Variants in PPP2R2B observed in about 807,000 individuals in gnomAD.
PPP2R2B encodes the protein protein phosphatase 2 regulatory subunit Bbeta, also known as serine/threonine-protein phosphatase 2A 55 kDa regulatory subunit B beta isoform.
Under a neutral mutation model 46.0 loss-of-function variants are expected in PPP2R2B, and 5 were observed. That is an observed-to-expected ratio of 0.11 (90% CI 0.06 to 0.23). The LOEUF (loss-of-function observed/expected upper bound fraction) is 0.23. PPP2R2B is among the 10% of genes least tolerant of loss of function. PPP2R2B has a pLI of 1.00. For missense variants in PPP2R2B, 367 were observed against 575.0 expected (o/e 0.64, Z 3.70); for synonymous variants, 215 against 206.7 (o/e 1.04, Z -0.34).
chr5:146,821,830 T>C (rs990235548), intron 2 of PPP2R2B, among the ~76,000 whole-genome samples: 4 of 151,740 alleles, frequency 2.6e-5, no homozygotes, highest in African/African-American at 9.7e-5. Context: ...GCTGGTTCAG[T>C]GTCATAAAAA....
rs1756425506 is a variant in PPP2R2B at position 146,794,866 on chromosome 5, T to G, written c.70+83136A>C. 1.3e-5 allele frequency among the ~76,000 whole-genome samples: 2 copies of G among 152,168 alleles called. 1 individual carries two copies. Among genetic ancestry groups the G allele is most frequent in the South Asian group, 4.1e-4 (2 of 4,820 alleles). On this transcript the variant is annotated intron_variant, in intron 2 of 9. Transcript: ENST00000394411. ...TTTCCAGAACCACTGACTCATCCAA[T>G]TTATTGGTTCCACTGGGAGGCAATC...
At chr5:146,664,700 C>A (rs925698600) in intron 5 of PPP2R2B, among the ~76,000 whole-genome samples, 1 of 152,066 alleles carries the variant, frequency 6.6e-6, no homozygotes, top group Non-Finnish European at 1.5e-5. Context: ...ATGGTGAGTG[C>A]GTCCCAGAAG....
intron 2 of PPP2R2B, among the ~76,000 whole-genome samples, chr5:146,797,325 C>T (rs1044699086): frequency 5.9e-5 from 9 of 152,164 alleles, no homozygotes; most frequent in Non-Finnish European, 1.3e-4. Flanking sequence ...CCACAAGCTA[C>T]CCTGCTAAAC....
intron 2 of PPP2R2B, among the ~76,000 whole-genome samples, chr5:146,868,649 C>T (rs1192772905): frequency 7.1e-6 from 1 of 141,164 alleles, no homozygotes; most frequent in Non-Finnish European, 1.6e-5. Context: ...CACATAACTG[C>T]TTACGATACT....
intron 2 of PPP2R2B, among the ~76,000 whole-genome samples, chr5:146,748,877 A>T (rs749367710): frequency 6.6e-6 from 1 of 152,212 alleles, no homozygotes; most frequent in African/African-American, 2.4e-5. Flanking sequence ...TTGTGTGCAC[A>T]TACATTTTTT....
chr5:146,862,872 A>C (rs529082122), intron 2 of PPP2R2B, among the ~76,000 whole-genome samples: 3 of 150,672 alleles, frequency 2.0e-5, no homozygotes, highest in East Asian at 1.9e-4. Flanking sequence ...AAAAAAAAAA[A>C]AAAAACCCTG....
At chr5:146,890,973 G>C (rs781327855) in intron 1 of PPP2R2B, among the ~76,000 whole-genome samples, 2 of 152,224 alleles carry the variant, frequency 1.3e-5, no homozygotes, top group South Asian at 4.2e-4. Context: ...AAGAGAGAGA[G>C]AGAAAAAAAT....
intron 7 of PPP2R2B, chr5:146,606,819 C>A (rs1339088562): frequency 2.6e-5 from 4 of 152,210 alleles, no homozygotes; most frequent in Non-Finnish European, 4.4e-5. Flanking sequence ...GTCACCCCCA[C>A]CCTGGCTGTG....
At chr5:146,894,891 G>A (rs944425730) in intron 1 of PPP2R2B, among the ~76,000 whole-genome samples, 4 of 152,246 alleles carry the variant, frequency 2.6e-5, no homozygotes, top group East Asian at 1.9e-4. Flanking sequence ...TTTCTCTCCT[G>A]TAAGCTCTTT....
chr5:147,057,300 G>C (rs750844256), upstream of PPP2R2B, among the ~76,000 whole-genome samples: 1 of 152,208 alleles, frequency 6.6e-6, no homozygotes, highest in Non-Finnish European at 1.5e-5. Flanking sequence ...ACTTGGCAAG[G>C]TAGGGCCATC....
At chr5:146,633,507 T>C (rs1774581829) in intron 7 of PPP2R2B, among the ~76,000 whole-genome samples, 1 of 152,270 alleles carries the variant, frequency 6.6e-6, no homozygotes, top group Non-Finnish European at 1.5e-5. Flanking sequence ...CCGCAGCAGC[T>C]GAACAAAGGG....
At position 146,637,811 on chromosome 5, in the gene PPP2R2B, T is replaced by A. The variant is rs192624563; in HGVS notation, c.790+440A>T. On this transcript the variant is annotated intron_variant, in intron 7 of 9. Coordinates refer to ENST00000394411, the MANE Select transcript of PPP2R2B (RefSeq NM_181675.4). ...TCCTGTTAATTTTATTGCCAAGATC[T>A]GTGCAGTACTGTGCAGGTTACATGG... 4.4e-3 allele frequency among the ~76,000 whole-genome samples: 677 copies of A among 152,242 alleles called. 9 individuals carry two copies. The highest frequency in any genetic ancestry group is 0.015 in the African/African-American group (616 of 41,530).
At chr5:147,020,207 C>T (rs975556960) in intron 1 of PPP2R2B, among the ~76,000 whole-genome samples, 3 of 152,090 alleles carry the variant, frequency 2.0e-5, no homozygotes, top group African/African-American at 7.2e-5. Context: ...TCAATTCCCT[C>T]TTGGTATTTG....
At chr5:146,617,237 A>T (rs758795400) in intron 7 of PPP2R2B, among the ~76,000 whole-genome samples, 1 of 152,166 alleles carries the variant, frequency 6.6e-6, no homozygotes, top group African/African-American at 2.4e-5. Context: ...GGCAGGGGGA[A>T]GTGGGTTAAT....
At chr5:146,602,855 G>C (rs1771915644) in intron 7 of PPP2R2B, among the ~76,000 whole-genome samples, 1 of 152,188 alleles carries the variant, frequency 6.6e-6, no homozygotes, top group African/African-American at 2.4e-5. Context: ...GAGTATTAGT[G>C]AAGGCCCCTG....
intron 2 of PPP2R2B, among the ~76,000 whole-genome samples, chr5:146,762,079 T>C (rs564058929): frequency 2.8e-4 from 42 of 152,288 alleles, no homozygotes; most frequent in African/African-American, 1.0e-3. Flanking sequence ...CAGCTCTGAC[T>C]CCAAATGGCC....
Position 146,600,151 on chromosome 5 carries a change from T to C in PPP2R2B, c.960+140A>G, listed in dbSNP as rs60327278. On this transcript the variant is annotated intron_variant, in intron 8 of 9. Coordinates refer to ENST00000394411, the MANE Select transcript of PPP2R2B (RefSeq NM_181675.4). ...GTTATCTTAAATCCTGTGGCACTTA[T>C]AGCCTGTACCATTTTACTGAATGTA... The C allele has an allele frequency of 6.9e-4, 604 of 875,758 alleles. 2 individuals carry two copies. The African/African-American group carries it at 8.9e-3, about 13-fold the overall frequency. 54.2% of individuals were successfully genotyped at this position (875,758 alleles called of 1,614,324 possible).
At chr5:146,604,767 G>A (rs1192937137) in intron 7 of PPP2R2B, among the ~76,000 whole-genome samples, 3 of 152,188 alleles carry the variant, frequency 2.0e-5, no homozygotes, top group East Asian at 1.9e-4. Flanking sequence ...GGTTCAGTAA[G>A]TCACCAGGAT....
At chr5:146,815,853 T>C (rs766674913) in intron 2 of PPP2R2B, among the ~76,000 whole-genome samples, 7 of 152,232 alleles carry the variant, frequency 4.6e-5, no homozygotes, top group Non-Finnish European at 1.0e-4. Flanking sequence ...TAAAAATCTA[T>C]TACTTTGAGC....
Sources: allele counts gnomAD v4.1 joint callset (sites outside exome capture counted in the v4.1 genomes callset), GRCh38; gene constraint gnomAD v4.1.1; transcripts MANE v1.5; gene names NCBI Gene and HGNC (gene_info 2026-07-23, HGNC 2026-07-21).